Variants in HIRA observed in about 807,000 individuals in gnomAD.
The protein encoded by HIRA is protein HIRA.
Under a neutral mutation model 126.6 loss-of-function variants are expected in HIRA, and 13 were observed. That is an observed-to-expected ratio of 0.10 (90% confidence interval 0.07 to 0.16). The LOEUF is 0.16. Ranked by LOEUF, HIRA falls within the 10% of genes least tolerant of loss-of-function variation. HIRA has a pLI of 1.00. For missense variants in HIRA, 834 were observed against 1,314.4 expected (o/e 0.63, Z 5.65); for synonymous variants, 511 against 520.0 (o/e 0.98, Z 0.24).
At chr22:19,379,835 A>G (rs924123306) in intron 13 of HIRA, among the ~76,000 whole-genome samples, 1 of 152,006 alleles carries the variant, frequency 6.6e-6, no homozygotes, top group Admixed American at 6.5e-5. Flanking sequence ...TTTGAGACGA[A>G]GTCTCGCTGT....
chr22:19,383,760 A>G, intron 12 of HIRA, 55 bp from the exon 13 acceptor site: 1 of 1,320,990 alleles, frequency 7.6e-7, no homozygotes, highest in South Asian at 1.2e-5. Context: ...ACTATTTCCA[A>G]ATATTAAAAA....
At chr22:19,377,753 T>C in intron 14 of HIRA, 116 bp downstream of exon 14, 1 of 950,858 alleles carries the variant, frequency 1.1e-6, no homozygotes. Flanking sequence ...TTTTTTTCTT[T>C]CTTTTTTGAT....
rs1402757391 is a variant in HIRA, at chr22:19,396,759, C to A, written c.654+28G>T. The stretch of plus-strand genomic sequence containing the variant: ...GAAGAGGCTGGGGCAGCTGCGGGGG[C>A]TCAGCTCCCTGAGCTGTCCCCACTT... On this transcript the variant is annotated intron_variant, in intron 7 of 24. Coordinates refer to ENST00000263208, the MANE Select transcript of HIRA (RefSeq NM_003325.4). 3.1e-6 allele frequency: 5 copies of A among 1,609,564 alleles called. No homozygotes were observed. The Admixed American group carries it at 6.7e-5, about 22-fold the overall frequency.
chr22:19,428,340 T>C (rs923019008), intron 1 of HIRA, among the ~76,000 whole-genome samples: 4 of 152,208 alleles, frequency 2.6e-5, no homozygotes, highest in Admixed American at 2.6e-4. Flanking sequence ...CAACTTACTC[T>C]AAGAAGGTGT....
At chr22:19,355,498 G>A (rs1556012154) in intron 21 of HIRA, among the ~76,000 whole-genome samples, 2 of 152,120 alleles carry the variant, frequency 1.3e-5, no homozygotes, top group African/African-American at 4.8e-5. Flanking sequence ...AAAAATTTTG[G>A]GGCTTTTTCA....
chr22:19,408,446 CA>C (rs777691932), intron 3 of HIRA, 36 bp downstream of exon 3: 1 of 1,355,334 alleles, frequency 7.4e-7, no homozygotes, highest in Non-Finnish European at 1.1e-6. Context: ...GGCACTCTGC[CA>C]ACACGCAAAG....
intron 21 of HIRA, 72 bp downstream of exon 21, chr22:19,355,688 G>A: frequency 3.5e-6 from 4 of 1,140,546 alleles, no homozygotes; most frequent in Admixed American, 1.8e-5. Flanking sequence ...TGTAGGCCAC[G>A]ACCCTTTGCT....
intron 15 of HIRA, among the ~76,000 whole-genome samples, chr22:19,374,954 A>G (rs1312262456): frequency 6.6e-6 from 1 of 152,176 alleles, no homozygotes; most frequent in African/African-American, 2.4e-5. Flanking sequence ...GCTCCTTGTC[A>G]AGCTAGGCTT....
chr22:19,352,777 C>A (rs1344550910), intron 23 of HIRA, among the ~76,000 whole-genome samples: 3 of 152,202 alleles, frequency 2.0e-5, no homozygotes, highest in Non-Finnish European at 4.4e-5. Context: ...TGCCCCATGC[C>A]GCACCCTGAA....
intron 24 of HIRA, among the ~76,000 whole-genome samples, chr22:19,340,220 C>T (rs1556007197): frequency 6.6e-6 from 1 of 151,952 alleles, no homozygotes; most frequent in Admixed American, 6.6e-5. Context: ...ACTTAACGTA[C>T]ACATGTCAAT....
At chr22:19,431,000 AG>A (rs1228504657) in intron 1 of HIRA, among the ~76,000 whole-genome samples, 2 of 152,182 alleles carry the variant, frequency 1.3e-5, no homozygotes, top group Non-Finnish European at 2.9e-5. Flanking sequence ...CCAGAGGGGC[AG>A]TAACAGTCCC....
At chr22:19,361,613 C>T (rs2146197861) in intron 16 of HIRA, 114 bp downstream of exon 16, 1 of 1,037,552 alleles carries the variant, frequency 9.6e-7, no homozygotes, top group East Asian at 2.4e-5. Context: ...ATGTCTAAGC[C>T]AGCTGGTTCC....
chr22:19,391,874 C>T (rs944384698), intron 9 of HIRA, among the ~76,000 whole-genome samples: 2 of 152,224 alleles, frequency 1.3e-5, no homozygotes, highest in African/African-American at 4.8e-5. Flanking sequence ...AAGAGCTGGT[C>T]TAGGTGGGGG....
Position 19,351,046 on chromosome 22 carries a change from C to T in HIRA, c.2937+312G>A, listed in dbSNP as rs1446714615. ...GTTTATGTGTGCATCCCTACCAGACCGAGCTCCACGAAGGCAGGGAAGTAC... is the reference window on the plus strand; with the variant it reads ...GTTTATGTGTGCATCCCTACCAGACTGAGCTCCACGAAGGCAGGGAAGTAC... On this transcript the variant is annotated intron_variant, in intron 24 of 24. Transcript: ENST00000263208. The surrounding 1 kb of genome is among the most constrained non-coding windows in gnomAD (Gnocchi z 4.8). 6 of 786,492 alleles carry T rather than the reference C, an allele frequency of 7.6e-6. No individual in the cohort carries two copies. The highest frequency in any genetic ancestry group is 5.8e-5 in the South Asian group (1 of 17,126). 48.7% of individuals were successfully genotyped at this position (786,492 alleles called of 1,614,324 possible).
intron 15 of HIRA, among the ~76,000 whole-genome samples, chr22:19,366,504 A>T (rs936656843): frequency 2.6e-5 from 4 of 152,234 alleles, no homozygotes; most frequent in African/African-American, 9.6e-5. Flanking sequence ...CCTTAACAAG[A>T]GTTTGGAAGA....
Position 19,405,850 on chromosome 22 carries a change from G to C in HIRA, c.333C>G (p.Ser111=). Residue 111 remains serine (S), a synonymous_variant, in exon 5 of 25, where the codon TCC becomes TCG. Transcript: ENST00000263208. ...GCTCCACATTGGCAAGCTTACCACT[G>C]GAGCCGAACACGGTGCTGGGGCCGA... ...TYIGPSTVFG[S]SGKLANVEQW... The C allele has an allele frequency of 6.6e-7, 1 of 1,508,708 alleles. No homozygotes were observed. Among genetic ancestry groups the C allele is most frequent in the Non-Finnish European group, 8.9e-7 (1 of 1,123,152 alleles). The allele number at this position is 1,508,708 out of a possible 1,614,324, so 93.5% of individuals were successfully genotyped here.
At chr22:19,373,124 T>G (rs900779928) in intron 15 of HIRA, among the ~76,000 whole-genome samples, 1 of 152,222 alleles carries the variant, frequency 6.6e-6, no homozygotes, top group Admixed American at 6.5e-5. Flanking sequence ...TTTCTATCTA[T>G]ATTTTCTTCT....
chr22:19,396,766 C>T (rs769607755), intron 7 of HIRA, 21 bp downstream of exon 7: 6 of 1,612,672 alleles, frequency 3.7e-6, no homozygotes, highest in Non-Finnish European at 4.2e-6. Flanking sequence ...GGGCTCAGCT[C>T]CCTGAGCTGT....
chr22:19,331,810 C>T (rs1556004723), intron 24 of HIRA, among the ~76,000 whole-genome samples: 1 of 152,192 alleles, frequency 6.6e-6, no homozygotes, highest in African/African-American at 2.4e-5. Flanking sequence ...TCCGTGGGCA[C>T]AGCCACTGCT....
Sources: allele counts gnomAD v4.1 joint callset (sites outside exome capture counted in the v4.1 genomes callset), GRCh38; gene constraint gnomAD v4.1.1; non-coding constraint Gnocchi (gnomAD v3.1); transcripts MANE v1.5; gene names NCBI Gene and HGNC (gene_info 2026-07-23, HGNC 2026-07-21).